The following CDH12 variants were observed in gnomAD, a reference collection of about 807,000 sequenced individuals.
The protein encoded by CDH12 is cadherin-12.
Under a neutral mutation model 74.1 loss-of-function variants are expected in CDH12, and 41 were observed. The ratio of observed to expected loss-of-function variants is 0.55; its 90% CI spans 0.43 to 0.72. The LOEUF (loss-of-function observed/expected upper bound fraction) is 0.72. Ranked by LOEUF, CDH12 falls within the 30% of genes least tolerant of loss-of-function variation. The pLI is 0.00. For synonymous variants in CDH12, 399 were observed against 355.0 expected, an observed-to-expected ratio of 1.12 and a Z score of -1.39; for missense variants, 945 against 977.2, an observed-to-expected ratio of 0.97 and a Z score of 0.44.
chr5:21,981,806 T>G (rs546602504), intron 5 of CDH12, among the ~76,000 whole-genome samples: 100 of 151,842 alleles, frequency 6.6e-4, no homozygotes, highest in Non-Finnish European at 1.2e-3. Flanking sequence ...ATAGCAGGGA[T>G]TACAGGCACA....
At chr5:21,785,104 T>C (rs1202907166) in intron 10 of CDH12, among the ~76,000 whole-genome samples, 1 of 149,884 alleles carries the variant, frequency 6.7e-6, no homozygotes, top group East Asian at 2.0e-4. Flanking sequence ...AACAGGGTGA[T>C]CTATGAACAG....
intron 6 of CDH12, chr5:21,882,842 T>C: frequency 1.3e-6 from 2 of 1,564,342 alleles, no homozygotes; most frequent in Non-Finnish European, 1.8e-6. Flanking sequence ...CAAAGTCAAT[T>C]GACTTGAAGG....
rs559772632 is a variant in CDH12, at chr5:22,244,548, A to C, written c.-332-31905T>G. Among the ~76,000 whole-genome samples, 112 of 121,496 alleles carry C rather than the reference A, an allele frequency of 9.2e-4. 10 individuals carry two copies. The highest frequency in any genetic ancestry group is 1.3e-3 in the Admixed American group (14 of 11,024). 79.7% of individuals were successfully genotyped at this position (121,496 alleles called of 152,430 possible). A position where few individuals can be genotyped will look rare whatever the true frequency, so the allele number is the denominator to read the frequency against. ...AAAAAAAAAAAGAAGAAGAAGAAGA[A>C]GAAGAAGAAAGAGAGAAAGAGAGAG... On this transcript the variant is annotated intron_variant, in intron 3 of 14. Transcript: ENST00000382254.
intron 10 of CDH12, among the ~76,000 whole-genome samples, chr5:21,790,076 CAGTG>C (rs1450450175): frequency 2.0e-5 from 3 of 152,030 alleles, no homozygotes; most frequent in African/African-American, 7.2e-5. Context: ...TCAGTTTTTA[CAGTG>C]AGTGTCTTTA....
chr5:21,996,105 GTTTTTTTTTTTTTTTTT>G (rs61516659), intron 5 of CDH12, among the ~76,000 whole-genome samples: 2 of 113,550 alleles, frequency 1.8e-5, no homozygotes, highest in Admixed American at 9.5e-5. Flanking sequence ...TCACACACAC[GTTTTTTTTTTTTTTTTT>G]TTTTTTTTTT....
At chr5:22,447,817 ACAATGTAAGTAAAATAAATCTATT>A (rs1051112023) in intron 2 of CDH12, among the ~76,000 whole-genome samples, 2 of 151,964 alleles carry the variant, frequency 1.3e-5, no homozygotes, top group African/African-American at 4.8e-5. Context: ...AGTGCAGTTT[ACAATGTAAGTAAAATAAATCTATT>A]TTATTTAAAA....
intron 3 of CDH12, among the ~76,000 whole-genome samples, chr5:22,332,426 A>T (rs140880022): frequency 0.011 from 1,616 of 152,262 alleles, 16 homozygotes; most frequent in Non-Finnish European, 0.015. Flanking sequence ...TTCTTCAAAG[A>T]TTAAAAAGCA....
At chr5:22,760,371 C>A (rs545658908) in intron 1 of CDH12, among the ~76,000 whole-genome samples, 2 of 151,884 alleles carry the variant, frequency 1.3e-5, no homozygotes, top group Non-Finnish European at 2.9e-5. Context: ...TAGCAGGTAC[C>A]AGTAGGTATT....
intron 4 of CDH12, among the ~76,000 whole-genome samples, chr5:22,084,140 T>C (rs1478739430): frequency 6.6e-6 from 1 of 152,092 alleles, no homozygotes; most frequent in Admixed American, 6.6e-5. Flanking sequence ...CAACAGCCCA[T>C]CAAGGCACTA....
rs893763728 is a variant in CDH12, at chr5:22,526,197, T to A, written c.-522-20833A>T. On this transcript the variant is annotated intron_variant, in intron 1 of 14. Transcript: ENST00000382254. ...AAATTTGTGCAAAATAGAGGCTTTGTTCTGTTTACAAAAGAAAAAGCAAAC... is the reference window on the plus strand; with the variant it reads ...AAATTTGTGCAAAATAGAGGCTTTGATCTGTTTACAAAAGAAAAAGCAAAC... 5.9e-5 allele frequency among the ~76,000 whole-genome samples: 9 copies of A among 152,254 alleles called. No homozygotes were observed. The East Asian group carries it at 1.7e-3, about 29-fold the overall frequency.
rs775995801 is a variant in CDH12, at chr5:22,003,824, C to CAAAAAAAAAA, written c.232-28449_232-28440dup. Among the ~76,000 whole-genome samples, 2 of 47,396 alleles carry CAAAAAAAAAA rather than the reference C, an allele frequency of 4.2e-5. 1 individual carries two copies. 31.1% of individuals were successfully genotyped at this position (47,396 alleles called of 152,430 possible). On this transcript the variant is annotated intron_variant, in intron 5 of 14. Transcript: ENST00000382254. ...AATGATCAGCAGGCCCCCGCTTCCA[C>CAAAAAAAAAA]AAAAAAAAAAAAAAAAAAAAAAAAG...
At chr5:22,393,167 C>T (rs1407011520) in intron 3 of CDH12, among the ~76,000 whole-genome samples, 2 of 152,122 alleles carry the variant, frequency 1.3e-5, no homozygotes, top group Non-Finnish European at 2.9e-5. Context: ...AATCCAATGA[C>T]ATGTCCTTCC....
chr5:22,182,138 T>C (rs1749682499), intron 4 of CDH12, among the ~76,000 whole-genome samples: 1 of 152,124 alleles, frequency 6.6e-6, no homozygotes, highest in East Asian at 1.9e-4. Flanking sequence ...TCACATTCTC[T>C]TATTTCTTCT....
intron 5 of CDH12, among the ~76,000 whole-genome samples, chr5:21,976,894 G>C (rs992751059): frequency 6.6e-6 from 1 of 151,960 alleles, no homozygotes; most frequent in Non-Finnish European, 1.5e-5. Flanking sequence ...TAAGCTTCCT[G>C]TGTATTAGTA....
intron 1 of CDH12, among the ~76,000 whole-genome samples, chr5:22,654,446 C>G (rs1027350801): frequency 3.3e-5 from 5 of 151,548 alleles, no homozygotes; most frequent in Admixed American, 2.0e-4. Context: ...CCTGCCTCCA[C>G]CGCCGGCTAA....
chr5:22,628,591 C>A (rs1014660500), intron 1 of CDH12, among the ~76,000 whole-genome samples: 3 of 151,972 alleles, frequency 2.0e-5, no homozygotes, highest in African/African-American at 7.2e-5. Context: ...TGGGACACAG[C>A]CAAGGCAGTG....
intron 4 of CDH12, among the ~76,000 whole-genome samples, chr5:22,130,559 A>G (rs562072406): frequency 6.6e-6 from 1 of 152,112 alleles, no homozygotes; most frequent in Non-Finnish European, 1.5e-5. Flanking sequence ...GCTGAATGTA[A>G]AAAGGGAATG....
chr5:22,789,140 G>A (rs1307333338), intron 1 of CDH12, among the ~76,000 whole-genome samples: 1 of 151,816 alleles, frequency 6.6e-6, no homozygotes, highest in East Asian at 1.9e-4. Flanking sequence ...TTGTATATGT[G>A]AGAAAGAAAA....
At chr5:21,938,723 CAT>C (rs545475183) in intron 6 of CDH12, among the ~76,000 whole-genome samples, 2,049 of 111,952 alleles carry the variant, frequency 0.018, 90 homozygotes, top group African/African-American at 0.053. Flanking sequence ...ATATAATATA[CAT>C]ATATATATAT....
Sources: gnomAD v4.1 joint callset for allele counts (sites outside exome capture counted in the v4.1 genomes callset) on GRCh38, gnomAD v4.1.1 for gene constraint, MANE v1.5 for transcripts, NCBI Gene and HGNC (gene_info 2026-07-23, HGNC 2026-07-21) for gene names.